Variants in RAP1A observed in about 807,000 individuals in gnomAD.
The protein encoded by RAP1A is RAP1A, member of RAS oncogene family.
A neutral mutation model predicts 26.4 loss-of-function variants in RAP1A; 6 were observed. That is an observed-to-expected ratio of 0.23 (90% CI 0.12 to 0.45). The LOEUF (loss-of-function observed/expected upper bound fraction) is 0.45, where lower values mean the gene tolerates loss of function less well. Ranked by LOEUF, RAP1A falls within the 20% of genes least tolerant of loss-of-function variation. The probability of loss-of-function intolerance (pLI) is 0.99; values close to 1 mark genes in which losing one functional copy is unlikely to be tolerated. For missense variants in RAP1A, 121 were observed against 217.2 expected, an observed-to-expected ratio of 0.56 and a Z score of 2.78; for synonymous variants, 73 against 79.4, an observed-to-expected ratio of 0.92 and a Z score of 0.43.
intron 1 of RAP1A, among the ~76,000 whole-genome samples, chr1:111,679,327 G>C (rs948299356): frequency 3.9e-5 from 6 of 152,104 alleles, no homozygotes; most frequent in African/African-American, 1.4e-4. Flanking sequence ...AGCCGTGAGG[G>C]ACTGTGCCAT....
chr1:111,622,929 T>C (rs998898887), intron 1 of RAP1A, among the ~76,000 whole-genome samples: 11 of 152,328 alleles, frequency 7.2e-5, no homozygotes, highest in African/African-American at 2.4e-4. Flanking sequence ...CTTTAGTGTA[T>C]GGTTGATGAT....
intron 2 of RAP1A, among the ~76,000 whole-genome samples, chr1:111,692,686 A>C (rs561689213): frequency 1.3e-5 from 2 of 152,304 alleles, no homozygotes; most frequent in South Asian, 2.1e-4. Context: ...CAATAGCTCT[A>C]TATATACCGA....
chr1:111,658,571 CACAA>C (rs1208403638), intron 1 of RAP1A, among the ~76,000 whole-genome samples: 1 of 151,984 alleles, frequency 6.6e-6, no homozygotes, highest in Non-Finnish European at 1.5e-5. Flanking sequence ...AAAACTAAGA[CACAA>C]ACACACATAT....
At chr1:111,574,340 T>G (rs974361327) in intron 1 of RAP1A, among the ~76,000 whole-genome samples, 5 of 152,240 alleles carry the variant, frequency 3.3e-5, no homozygotes, top group Non-Finnish European at 7.3e-5. Context: ...ACCAGTGCCA[T>G]GCTGTTTTTG....
chr1:111,659,466 C>T (rs990091805), intron 1 of RAP1A, among the ~76,000 whole-genome samples: 3 of 150,796 alleles, frequency 2.0e-5, no homozygotes, highest in South Asian at 2.1e-4. Context: ...TTCTTATAGA[C>T]AACATATAGT....
intron 1 of RAP1A, among the ~76,000 whole-genome samples, chr1:111,577,743 T>A (rs1011271811): frequency 8.5e-5 from 13 of 152,324 alleles, no homozygotes; most frequent in African/African-American, 3.1e-4. Context: ...ACATAAAGCA[T>A]ATAAAGTGAT....
rs553401811 is a variant in RAP1A at position 111,555,440 on chromosome 1, T to G, written c.-28+12931T>G. Among the ~76,000 whole-genome samples, 5 of 150,000 alleles carry G rather than the reference T, an allele frequency of 3.3e-5. No individual in the cohort carries two copies. In the East Asian group the frequency reaches 9.7e-4, roughly 29 times the overall value. On this transcript the variant is annotated intron_variant, in intron 1 of 7. Transcript: ENST00000356415. ...ACCAAATAGTTCCAGAAAAAAAATTTTTAATGTAATAATTAAATTTGAAAC... is the reference window on the plus strand; with the variant it reads ...ACCAAATAGTTCCAGAAAAAAAATTGTTAATGTAATAATTAAATTTGAAAC...
intron 1 of RAP1A, among the ~76,000 whole-genome samples, chr1:111,547,604 G>A (rs1657083706): frequency 6.6e-6 from 1 of 152,172 alleles, no homozygotes; most frequent in Non-Finnish European, 1.5e-5. Flanking sequence ...CTGGAAATCT[G>A]ACGTCAATGC....
At chr1:111,629,874 A>G (rs1246650030) in intron 1 of RAP1A, among the ~76,000 whole-genome samples, 2 of 152,168 alleles carry the variant, frequency 1.3e-5, no homozygotes, top group South Asian at 2.1e-4. Flanking sequence ...AGTCTCTTTT[A>G]AATAGGTTTG....
intron 1 of RAP1A, among the ~76,000 whole-genome samples, chr1:111,625,897 C>T (rs917742770): frequency 7.2e-5 from 11 of 152,120 alleles, no homozygotes; most frequent in Non-Finnish European, 1.6e-4. Context: ...CCACTTCAGC[C>T]TCCTGAGTAG....
At chr1:111,600,371 C>G (rs1461249844) in intron 1 of RAP1A, among the ~76,000 whole-genome samples, 1 of 152,232 alleles carries the variant, frequency 6.6e-6, no homozygotes, top group South Asian at 2.1e-4. Flanking sequence ...AGAACCAAGT[C>G]TCTGATCTTA....
At chr1:111,596,120 T>C (rs1338131563) in intron 1 of RAP1A, among the ~76,000 whole-genome samples, 2 of 152,188 alleles carry the variant, frequency 1.3e-5, no homozygotes, top group African/African-American at 4.8e-5. Flanking sequence ...ATAAGTGCAA[T>C]TTTAAAAAAG....
chr1:111,679,350 T>C (rs189501034), intron 1 of RAP1A, among the ~76,000 whole-genome samples: 8 of 152,246 alleles, frequency 5.3e-5, no homozygotes, highest in Non-Finnish European at 7.4e-5. Context: ...GGAACGGTGC[T>C]ATTCAGCCCA....
At chr1:111,559,688 A>G (rs562992610) in intron 1 of RAP1A, among the ~76,000 whole-genome samples, 1 of 152,178 alleles carries the variant, frequency 6.6e-6, no homozygotes, top group Non-Finnish European at 1.5e-5. Context: ...TAAAACATCC[A>G]TGTTCCTTTT....
intron 4 of RAP1A, among the ~76,000 whole-genome samples, chr1:111,700,075 C>T (rs1213464781): frequency 6.6e-6 from 1 of 152,148 alleles, no homozygotes; most frequent in Non-Finnish European, 1.5e-5. Context: ...CTTTATCTCC[C>T]CTACCTCTTA....
intron 1 of RAP1A, among the ~76,000 whole-genome samples, chr1:111,678,732 T>C (rs1661203832): frequency 6.6e-6 from 1 of 151,622 alleles, no homozygotes; most frequent in Non-Finnish European, 1.5e-5. Context: ...GACTGAAATG[T>C]CATTATGCAG....
At chr1:111,617,458 A>C (rs888506089), upstream of RAP1A, among the ~76,000 whole-genome samples, 1 of 152,032 alleles carries the variant, frequency 6.6e-6, no homozygotes, top group African/African-American at 2.4e-5. Flanking sequence ...TCTCTTACAG[A>C]GTCTCGCTCT....
chr1:111,701,565 T>C (rs1662024471), intron 4 of RAP1A, among the ~76,000 whole-genome samples: 1 of 152,224 alleles, frequency 6.6e-6, no homozygotes, highest in Admixed American at 6.5e-5. Flanking sequence ...TCCATAGGGC[T>C]ACAACTATGT....
chr1:111,705,479 AG>A, intron 6 of RAP1A, among the ~76,000 whole-genome samples: 1 of 152,354 alleles, frequency 6.6e-6, no homozygotes, highest in East Asian at 1.9e-4. Flanking sequence ...AACACCTGGC[AG>A]GTAAAAAAAA....
Sources: allele counts gnomAD v4.1 joint callset (sites outside exome capture counted in the v4.1 genomes callset), GRCh38; gene constraint gnomAD v4.1.1; transcripts MANE v1.5; gene names NCBI Gene and HGNC (gene_info 2026-07-23, HGNC 2026-07-21).